PEBP4: variants seen among roughly 807,000 people sequenced by gnomAD.
PEBP4 encodes the protein phosphatidylethanolamine-binding protein 4.
A neutral mutation model predicts 23.9 loss-of-function variants in PEBP4; 22 were observed. The ratio of observed to expected loss-of-function variants is 0.92; its 90% confidence interval spans 0.66 to 1.31. The LOEUF (loss-of-function observed/expected upper bound fraction) is 1.31. Among genes scored for constraint, PEBP4 ranks in the 40% most tolerant of loss-of-function variants. The pLI, the probability that PEBP4 is intolerant of heterozygous loss-of-function variation, is 0.00. For synonymous variants in PEBP4, 112 were observed against 99.3 expected, an observed-to-expected ratio of 1.13 and a Z score of -0.76; for missense variants, 324 against 281.7, an observed-to-expected ratio of 1.15 and a Z score of -1.07.
chr8:22,821,835 A>T (rs184116800), intron 3 of PEBP4, among the ~76,000 whole-genome samples: 128 of 152,190 alleles, frequency 8.4e-4, no homozygotes, highest in Non-Finnish European at 2.2e-4. Context: ...AATATAAAAA[A>T]TTAGCTGGGC....
intron 3 of PEBP4, among the ~76,000 whole-genome samples, chr8:22,870,263 A>G (rs1456873262): frequency 6.6e-6 from 1 of 152,256 alleles, no homozygotes; most frequent in Non-Finnish European, 1.5e-5. Context: ...CTGAAAAGCA[A>G]TGAGCTACCA....
Position 22,920,318 on chromosome 8 carries a change from G to T in PEBP4, c.132-8C>A. ...TAGAAAACTTCAAGGCCCCTATGAA[G>T]AGAGAGGGGAGGTTGCCCTGTGTCA... On this transcript the variant is annotated splice_region_variant and splice_polypyrimidine_tract_variant and intron_variant, in intron 2 of 6. Transcript: ENST00000256404. 1 of 1,607,464 alleles carries T rather than the reference G, an allele frequency of 6.2e-7. No individual in the cohort carries two copies. Among genetic ancestry groups the T allele is most frequent in the Non-Finnish European group, 8.5e-7 (1 of 1,174,536 alleles).
At chr8:22,875,109 T>C (rs1036849097) in intron 3 of PEBP4, among the ~76,000 whole-genome samples, 3 of 151,878 alleles carry the variant, frequency 2.0e-5, no homozygotes, top group Non-Finnish European at 4.4e-5. Context: ...GGACTCAGCC[T>C]CGTTAGTGAA....
At chr8:22,752,872 G>C (rs573581454) in intron 4 of PEBP4, among the ~76,000 whole-genome samples, 2 of 152,340 alleles carry the variant, frequency 1.3e-5, no homozygotes, top group South Asian at 4.1e-4. Context: ...TCAAGAAAAG[G>C]CTGTGGGCTT....
intron 4 of PEBP4, among the ~76,000 whole-genome samples, chr8:22,796,659 G>A (rs1174589396): frequency 6.6e-6 from 1 of 152,106 alleles, no homozygotes; most frequent in African/African-American, 2.4e-5. Flanking sequence ...GAGCCAAAAG[G>A]GGCCTAGATT....
intron 4 of PEBP4, among the ~76,000 whole-genome samples, chr8:22,740,483 G>A (rs1043979083): frequency 6.6e-6 from 1 of 152,148 alleles, no homozygotes; most frequent in African/African-American, 2.4e-5. Context: ...AGAACCTGAG[G>A]CGACTTCTAC....
chr8:22,916,818 A>G (rs1219423571), intron 3 of PEBP4, among the ~76,000 whole-genome samples: 1 of 152,248 alleles, frequency 6.6e-6, no homozygotes, highest in African/African-American at 2.4e-5. Context: ...AAGTGCTTGA[A>G]GCTTTGAGAG....
intron 4 of PEBP4, among the ~76,000 whole-genome samples, chr8:22,749,770 TA>T (rs1305249367): frequency 6.7e-6 from 1 of 149,370 alleles, no homozygotes; most frequent in Non-Finnish European, 1.5e-5. Context: ...AGTGTGGATC[TA>T]CAACCCACCT....
intron 3 of PEBP4, chr8:22,885,543 G>T (rs1464987060): frequency 1.3e-5 from 2 of 152,222 alleles, no homozygotes; most frequent in Non-Finnish European, 2.9e-5. Context: ...GTATGTGAGG[G>T]AGCTGGCACT....
chr8:22,873,910 G>A (rs1181656352), intron 3 of PEBP4, among the ~76,000 whole-genome samples: 1 of 152,118 alleles, frequency 6.6e-6, no homozygotes, highest in Non-Finnish European at 1.5e-5. Flanking sequence ...TTGTAGGATT[G>A]GAGCCCCTCC....
chr8:22,905,835 G>A (rs534893673), intron 3 of PEBP4, among the ~76,000 whole-genome samples: 1 of 152,306 alleles, frequency 6.6e-6, no homozygotes, highest in East Asian at 1.9e-4. Flanking sequence ...GCTGTTCCAC[G>A]ATAACATACT....
chr8:22,898,685 T>C (rs1039621157), intron 3 of PEBP4, among the ~76,000 whole-genome samples: 19 of 152,334 alleles, frequency 1.2e-4, no homozygotes, highest in East Asian at 1.9e-4. Flanking sequence ...TTAGCTCCTC[T>C]TTGTCCCTTT....
chr8:22,905,906 G>T (rs1337562309), intron 3 of PEBP4, among the ~76,000 whole-genome samples: 1 of 152,204 alleles, frequency 6.6e-6, no homozygotes, highest in Non-Finnish European at 1.5e-5. Flanking sequence ...TGGAGGATGG[G>T]AGCGCCAGAT....
chr8:22,940,506 C>CTTTTTTT (rs1809597518), intron 1 of PEBP4, among the ~76,000 whole-genome samples: 1 of 127,728 alleles, frequency 7.8e-6, no homozygotes, highest in African/African-American at 3.1e-5. Context: ...TTTTTTTTTT[C>CTTTTTTT]GAGACGGAGT....
At chr8:22,820,442 T>C (rs1404438480) in intron 3 of PEBP4, among the ~76,000 whole-genome samples, 1 of 152,068 alleles carries the variant, frequency 6.6e-6, no homozygotes, top group Admixed American at 6.6e-5. Flanking sequence ...GTAAGATGAA[T>C]GGAGTAAATG....
At chr8:22,827,061 T>TA (rs1806986270) in intron 3 of PEBP4, among the ~76,000 whole-genome samples, 1 of 152,160 alleles carries the variant, frequency 6.6e-6, no homozygotes, top group African/African-American at 2.4e-5. Flanking sequence ...TTTTGAAGGT[T>TA]ATTTGGGGAA....
intron 4 of PEBP4, among the ~76,000 whole-genome samples, chr8:22,740,672 G>C (rs1254483029): frequency 6.6e-6 from 1 of 152,074 alleles, no homozygotes; most frequent in African/African-American, 2.4e-5. Context: ...CTCCTTTCCT[G>C]TTCCTTCTGG....
At chr8:22,870,894 T>C (rs1305292384) in intron 3 of PEBP4, among the ~76,000 whole-genome samples, 1 of 152,208 alleles carries the variant, frequency 6.6e-6, no homozygotes, top group African/African-American at 2.4e-5. Flanking sequence ...GGTTTTGTTT[T>C]GGAGCAACCC....
rs572340767 is a variant in PEBP4, at chr8:22,761,946, T to C, written c.358-34726A>G. Among the ~76,000 whole-genome samples, 7 of 152,352 alleles carry C rather than the reference T, an allele frequency of 4.6e-5. No individual in the cohort carries two copies. In the South Asian group the frequency reaches 1.4e-3, roughly 32 times the overall value. On this transcript the variant is annotated intron_variant, in intron 4 of 6. Transcript: ENST00000256404. ...ATGCATTATATTTTCTTTGATATATTATGCCTAAGGCATAACTCTGCATTT... is the reference window on the plus strand; with the variant it reads ...ATGCATTATATTTTCTTTGATATATCATGCCTAAGGCATAACTCTGCATTT...
Sources: gnomAD v4.1 joint callset for allele counts (sites outside exome capture counted in the v4.1 genomes callset) on GRCh38, gnomAD v4.1.1 for gene constraint, MANE v1.5 for transcripts, NCBI Gene and HGNC (gene_info 2026-07-23, HGNC 2026-07-21) for gene names.